Variants in PTPRG observed in about 807,000 individuals in gnomAD.
The protein encoded by PTPRG is protein tyrosine phosphatase receptor type G, also known as receptor-type tyrosine-protein phosphatase gamma.
A neutral mutation model predicts 165.3 loss-of-function variants in PTPRG; 102 were observed. The observed-to-expected ratio is 0.62, with a 90% CI of 0.53 to 0.73. PTPRG has a LOEUF of 0.73. Ranked by LOEUF, PTPRG falls within the 30% of genes least tolerant of loss-of-function variation. The pLI is 0.00. For synonymous variants in PTPRG, 675 were observed against 669.5 expected, an observed-to-expected ratio of 1.01 and a Z score of -0.13; for missense variants, 1,866 against 1,861.4, an observed-to-expected ratio of 1.00 and a Z score of -0.05.
rs183416438 is a variant in PTPRG, at chr3:61,979,791, C to T, written c.191-9834C>T. 3.8e-3 allele frequency among the ~76,000 whole-genome samples: 573 copies of T among 152,304 alleles called. 2 individuals carry two copies. The highest frequency in any genetic ancestry group is 5.2e-3 in the Non-Finnish European group (355 of 68,024). ...AATAGTTAATATATTTTGGAGCAAA[C>T]GTTCCTCCTTTTATGGTTGTCACAG... On this transcript the variant is annotated intron_variant, in intron 2 of 29. Coordinates refer to ENST00000474889, the MANE Select transcript of PTPRG (RefSeq NM_002841.4).
intron 1 of PTPRG, among the ~76,000 whole-genome samples, chr3:61,707,355 G>A (rs943777526): frequency 6.6e-6 from 1 of 152,224 alleles, no homozygotes; most frequent in African/African-American, 2.4e-5. Flanking sequence ...ATTATGGGGG[G>A]TGACAAGTTC....
chr3:61,607,340 A>C (rs917192321), intron 1 of PTPRG, among the ~76,000 whole-genome samples: 1 of 152,156 alleles, frequency 6.6e-6, no homozygotes, highest in Non-Finnish European at 1.5e-5. Context: ...AATACTTAGA[A>C]TATTGTCCCG....
At chr3:61,972,048 G>A (rs373930089) in intron 2 of PTPRG, among the ~76,000 whole-genome samples, 1 of 152,226 alleles carries the variant, frequency 6.6e-6, no homozygotes, top group African/African-American at 2.4e-5. Context: ...AATGTGTACT[G>A]TATATTAGAA....
intron 2 of PTPRG, among the ~76,000 whole-genome samples, chr3:61,751,848 C>T (rs1276987142): frequency 6.6e-6 from 1 of 151,964 alleles, no homozygotes; most frequent in Non-Finnish European, 1.5e-5. Context: ...AAAAAATTAG[C>T]CAGGCGTAGC....
chr3:61,743,299 C>T (rs1432179750), intron 1 of PTPRG, among the ~76,000 whole-genome samples: 1 of 152,152 alleles, frequency 6.6e-6, no homozygotes, highest in Non-Finnish European at 1.5e-5. Flanking sequence ...AAGATTCCTC[C>T]TGCTGAGTGA....
chr3:62,015,352 C>G (rs1450714247), intron 4 of PTPRG, among the ~76,000 whole-genome samples: 1 of 152,134 alleles, frequency 6.6e-6, no homozygotes, highest in African/African-American at 2.4e-5. Flanking sequence ...GTGCGGTCAG[C>G]AGATAGGCAG....
chr3:62,091,471 A>G (rs539764693), intron 5 of PTPRG, among the ~76,000 whole-genome samples: 8 of 152,202 alleles, frequency 5.3e-5, no homozygotes, highest in Non-Finnish European at 1.0e-4. Flanking sequence ...ACACATTGAT[A>G]TGGACCCAGA....
At chr3:62,083,342 G>C (rs1701644005) in intron 5 of PTPRG, among the ~76,000 whole-genome samples, 1 of 150,992 alleles carries the variant, frequency 6.6e-6, no homozygotes, top group African/African-American at 2.4e-5. Context: ...CTCAAGCTGT[G>C]CTCCTGCCTC....
Position 62,269,168 on chromosome 3 carries a change from A to G in PTPRG, c.3008A>G (p.Lys1003Arg). Residue 1003 changes from lysine to arginine, a missense_variant and splice_region_variant, in exon 20 of 30, where the codon AAG becomes AGG. Lys to Arg is a conservative substitution (Grantham distance 26, BLOSUM62 2). Coordinates refer to ENST00000474889, the MANE Select transcript of PTPRG (RefSeq NM_002841.4). Reference protein sequence around the residue: ...RFSIRNTKVKKGQKGNPKGRQ... With the variant: ...RFSIRNTKVKRGQKGNPKGRQ... Reference sequence around the variant, plus strand: ...TCAATCAGAAATACAAAAGTGAAAAAGGTATGGAAGGAATTGGGTAGGCTG... The same window carrying G: ...TCAATCAGAAATACAAAAGTGAAAAGGGTATGGAAGGAATTGGGTAGGCTG... The G allele has an allele frequency of 1.3e-6, 2 of 1,572,824 alleles. No homozygotes were observed. The highest frequency in any genetic ancestry group is 1.7e-6 in the Non-Finnish European group (2 of 1,150,464).
At chr3:62,025,100 T>G (rs779495610) in intron 4 of PTPRG, among the ~76,000 whole-genome samples, 1 of 152,168 alleles carries the variant, frequency 6.6e-6, no homozygotes, top group Admixed American at 6.5e-5. Context: ...TTTTCGTATG[T>G]GGGCAGTGAA....
intron 2 of PTPRG, among the ~76,000 whole-genome samples, chr3:61,779,130 G>A (rs1239374111): frequency 6.6e-6 from 1 of 152,176 alleles, no homozygotes; most frequent in Non-Finnish European, 1.5e-5. Flanking sequence ...TGAAGTTACT[G>A]AACACTTCTC....
intron 2 of PTPRG, among the ~76,000 whole-genome samples, chr3:61,871,163 G>GTGTTGTGTTGTGTTA (rs2037566160): frequency 1.8e-4 from 21 of 116,652 alleles, no homozygotes; most frequent in African/African-American, 3.3e-4. Context: ...GTGTTGTGTT[G>GTGTTGTGTTGTGTTA]TGTTATGTTA....
At chr3:61,638,590 A>C (rs1435546257) in intron 1 of PTPRG, among the ~76,000 whole-genome samples, 1 of 49,402 alleles carries the variant, frequency 2.0e-5, no homozygotes, top group African/African-American at 5.8e-5. Context: ...ATGCCTGGCT[A>C]GTTTTTTTTT....
At chr3:62,142,482 T>C (rs1276610411) in intron 6 of PTPRG, among the ~76,000 whole-genome samples, 1 of 152,110 alleles carries the variant, frequency 6.6e-6, no homozygotes, top group Non-Finnish European at 1.5e-5. Context: ...TGCACGCCTT[T>C]CTGCATGGGT....
At chr3:61,979,400 G>A (rs2040586521) in intron 2 of PTPRG, among the ~76,000 whole-genome samples, 1 of 152,158 alleles carries the variant, frequency 6.6e-6, no homozygotes, top group Non-Finnish European at 1.5e-5. Flanking sequence ...CTGTTGAACA[G>A]ATATGAAAAT....
chr3:61,803,506 A>ATGTTGTCCCTGTTGTC (rs1575676433), intron 2 of PTPRG, among the ~76,000 whole-genome samples: 1 of 125,158 alleles, frequency 8.0e-6, no homozygotes, highest in African/African-American at 3.5e-5. Flanking sequence ...TCCAACATGG[A>ATGTTGTCCCTGTTGTC]CAACATGTAA....
intron 5 of PTPRG, among the ~76,000 whole-genome samples, chr3:62,090,913 A>G (rs1188522292): frequency 1.3e-5 from 2 of 152,182 alleles, no homozygotes; most frequent in East Asian, 1.9e-4. Flanking sequence ...GGACAAATCT[A>G]TTCAATCCCA....
intron 1 of PTPRG, among the ~76,000 whole-genome samples, chr3:61,569,832 G>C (rs1700014558): frequency 6.6e-6 from 1 of 152,170 alleles, no homozygotes; most frequent in South Asian, 2.1e-4. Flanking sequence ...GTTACATTTT[G>C]AGGTTTAAAT....
intron 1 of PTPRG, among the ~76,000 whole-genome samples, chr3:61,746,366 C>A (rs1161271642): frequency 6.6e-6 from 1 of 151,976 alleles, no homozygotes; most frequent in Admixed American, 6.6e-5. Flanking sequence ...CCACTTCACC[C>A]GTCTAATTTT....
Sources: gnomAD v4.1 joint callset for allele counts (sites outside exome capture counted in the v4.1 genomes callset) on GRCh38, gnomAD v4.1.1 for gene constraint, MANE v1.5 for transcripts, NCBI Gene and HGNC (gene_info 2026-07-23, HGNC 2026-07-21) for gene names.